The following SLC1A3 variants were observed in gnomAD, a reference collection of about 807,000 sequenced individuals.
SLC1A3 encodes solute carrier family 1 member 3, also known as excitatory amino acid transporter 1.
Under a neutral mutation model 48.1 loss-of-function variants are expected in SLC1A3, and 21 were observed. That is an observed-to-expected ratio of 0.44 (90% CI 0.31 to 0.63). The LOEUF is 0.63. SLC1A3 is among the 20% of genes least tolerant of loss of function. SLC1A3 has a pLI of 0.08. For missense variants in SLC1A3, 546 were observed against 689.0 expected (o/e 0.79, Z 2.32); for synonymous variants, 239 against 251.4 (o/e 0.95, Z 0.47).
intron 4 of SLC1A3, among the ~76,000 whole-genome samples, chr5:36,673,304 G>A (rs1742071776): frequency 6.6e-6 from 1 of 152,142 alleles, no homozygotes; most frequent in Non-Finnish European, 1.5e-5. Context: ...GAGCTCTAAT[G>A]ATAGTTTAAT....
chr5:36,666,310 A>G (rs531974781), intron 3 of SLC1A3: 9 of 152,244 alleles, frequency 5.9e-5, no homozygotes, highest in Non-Finnish European at 1.3e-4. Flanking sequence ...AAGTTTGCCC[A>G]TCTTGAAATT....
chr5:36,629,831 A>C (rs1177491790), intron 3 of SLC1A3: 1 of 493,994 alleles, frequency 2.0e-6, no homozygotes, highest in African/African-American at 2.0e-5. Flanking sequence ...TTCGCCTCAC[A>C]GTGAACGAGG....
intron 1 of SLC1A3, among the ~76,000 whole-genome samples, chr5:36,600,958 C>T (rs192883242): frequency 3.3e-4 from 50 of 152,342 alleles, no homozygotes; most frequent in Non-Finnish European, 5.1e-4. Context: ...TTTTCTCAAC[C>T]CAAAACTGCA....
chr5:36,672,383 A>T (rs1742033481), intron 4 of SLC1A3, among the ~76,000 whole-genome samples: 1 of 152,196 alleles, frequency 6.6e-6, no homozygotes. Flanking sequence ...CAAAGGAAAG[A>T]TATCTCAGCA....
intron 1 of SLC1A3, chr5:36,607,363 C>T (rs1370804442): frequency 6.6e-6 from 1 of 152,128 alleles, no homozygotes; most frequent in African/African-American, 2.4e-5. Flanking sequence ...TGGATTAGAG[C>T]TCCTGTAAAG....
intron 3 of SLC1A3, among the ~76,000 whole-genome samples, chr5:36,656,445 C>A (rs940977779): frequency 6.6e-6 from 1 of 152,166 alleles, no homozygotes; most frequent in Non-Finnish European, 1.5e-5. Context: ...TCCCTTAAGT[C>A]TTTTCTCCAC....
At chr5:36,659,291 C>T (rs1275477902) in intron 3 of SLC1A3, among the ~76,000 whole-genome samples, 6 of 152,164 alleles carry the variant, frequency 3.9e-5, no homozygotes, top group Non-Finnish European at 1.5e-5. Context: ...TAGCCTCCAC[C>T]TTGAAGGGTT....
upstream of SLC1A3, among the ~76,000 whole-genome samples, chr5:36,604,494 A>G (rs562241354): frequency 6.2e-4 from 95 of 152,290 alleles, no homozygotes; most frequent in Non-Finnish European, 1.2e-3. Flanking sequence ...GTAATTCCCA[A>G]TGTTTCCCTC....
At chr5:36,682,100 A>C (rs1319984575) in intron 8 of SLC1A3, among the ~76,000 whole-genome samples, 2 of 152,210 alleles carry the variant, frequency 1.3e-5, no homozygotes, top group African/African-American at 4.8e-5. Flanking sequence ...CAATAGTAAG[A>C]ATCTTAAACA....
intron 3 of SLC1A3, among the ~76,000 whole-genome samples, chr5:36,656,203 T>C (rs1232441004): frequency 6.6e-6 from 1 of 152,250 alleles, no homozygotes; most frequent in Non-Finnish European, 1.5e-5. Flanking sequence ...GTACTTGTTA[T>C]TCCTTCTGAA....
upstream of SLC1A3, among the ~76,000 whole-genome samples, chr5:36,604,042 C>T (rs1247985910): frequency 6.6e-6 from 1 of 152,048 alleles, no homozygotes; most frequent in Non-Finnish European, 1.5e-5. Flanking sequence ...AATAAATGCT[C>T]CCTTTAAGGA....
At chr5:36,662,711 C>G (rs1408912111) in intron 3 of SLC1A3, among the ~76,000 whole-genome samples, 2 of 152,168 alleles carry the variant, frequency 1.3e-5, no homozygotes, top group Non-Finnish European at 2.9e-5. Context: ...TCGGAGCTGC[C>G]CCTTCTGAGA....
At chr5:36,606,459 G>GCTT (rs1738943065), upstream of SLC1A3, 1 of 152,260 alleles carries the variant, frequency 6.6e-6, no homozygotes, top group Non-Finnish European at 1.5e-5. Context: ...CAGCAAGCCT[G>GCTT]CTTCTGGTGT....
intron 3 of SLC1A3, chr5:36,636,499 C>CTTTCTTTT (rs1447822420): frequency 1.6e-5 from 2 of 127,444 alleles, no homozygotes; most frequent in African/African-American, 6.8e-5. Flanking sequence ...TTCTTTCTTT[C>CTTTCTTTT]TTTCTTTTTC....
intron 6 of SLC1A3, among the ~76,000 whole-genome samples, chr5:36,678,776 T>A (rs1020574289): frequency 2.0e-5 from 3 of 152,216 alleles, no homozygotes; most frequent in Non-Finnish European, 4.4e-5. Flanking sequence ...GTTTATTGTC[T>A]GCAGAAGGAA....
rs1739070887 is a variant in SLC1A3 at position 36,608,732 on chromosome 5, T to A, written c.181+128T>A. The stretch of plus-strand genomic sequence containing the variant: ...TGGTAGCCTAGGCTTTCCTCTGAAC[T>A]TGATGATTTTTCTCCATAAAAATGA... On this transcript the variant is annotated intron_variant, in intron 2 of 9. Transcript: ENST00000265113. 3 of 1,491,192 alleles carry A rather than the reference T, an allele frequency of 2.0e-6. No homozygotes were observed. In the East Asian group the frequency reaches 7.0e-5, roughly 35 times the overall value. The allele number at this position is 1,491,192 out of a possible 1,614,324, so 92.4% of individuals were successfully genotyped here.
At chr5:36,680,118 G>C (rs936517708) in intron 7 of SLC1A3, among the ~76,000 whole-genome samples, 3 of 152,188 alleles carry the variant, frequency 2.0e-5, no homozygotes, top group African/African-American at 7.2e-5. Flanking sequence ...TTGCCTGAGG[G>C]AGAAGAGGCA....
intron 2 of SLC1A3, among the ~76,000 whole-genome samples, chr5:36,625,363 C>T (rs1234618732): frequency 1.3e-5 from 2 of 152,160 alleles, no homozygotes; most frequent in African/African-American, 4.8e-5. Flanking sequence ...GAGGCTGAGG[C>T]ATGAGAATTG....
rs183220155 is a variant in SLC1A3 at position 36,657,337 on chromosome 5, A to G, written c.320-13692A>G. On this transcript the variant is annotated intron_variant, in intron 3 of 9. Coordinates refer to ENST00000265113, the MANE Select transcript of SLC1A3 (RefSeq NM_004172.5). Reference sequence around the variant, plus strand: ...ATTCCTGAAACAATTTGTTTTGGTTATTCTGAAAAATTCTGAATCTTCCCT... The same window carrying G: ...ATTCCTGAAACAATTTGTTTTGGTTGTTCTGAAAAATTCTGAATCTTCCCT... Among the ~76,000 whole-genome samples the G allele has an allele frequency of 1.1e-4, 16 of 152,296 alleles. No individual in the cohort carries two copies. The East Asian group carries it at 3.1e-3, about 29-fold the overall frequency.
Sources: allele counts gnomAD v4.1 joint callset (sites outside exome capture counted in the v4.1 genomes callset), GRCh38; gene constraint gnomAD v4.1.1; transcripts MANE v1.5; gene names NCBI Gene and HGNC (gene_info 2026-07-23, HGNC 2026-07-21).